TENT4A: variants seen among roughly 807,000 people sequenced by gnomAD.
TENT4A encodes DNA polymerase kappa.
A neutral mutation model predicts 72.8 loss-of-function variants in TENT4A; 7 were observed. That is an observed-to-expected ratio of 0.10 (90% CI 0.05 to 0.18). The LOEUF is 0.18. Among genes scored for constraint, TENT4A ranks in the 10% least tolerant of loss-of-function variants. The pLI is 1.00. For synonymous variants in TENT4A, 456 were observed against 434.3 expected (o/e 1.05, Z -0.62); for missense variants, 831 against 1,017.7 (o/e 0.82, Z 2.50).
intron 1 of TENT4A, among the ~76,000 whole-genome samples, chr5:6,717,767 C>T (rs1263577859): frequency 6.6e-6 from 1 of 152,246 alleles, no homozygotes; most frequent in African/African-American, 2.4e-5. Flanking sequence ...CTTTGCATCC[C>T]AGCCTCTGGC....
intron 1 of TENT4A, among the ~76,000 whole-genome samples, chr5:6,722,178 T>TC (rs1251924338): frequency 1.3e-5 from 2 of 151,678 alleles, no homozygotes; most frequent in South Asian, 2.1e-4. Flanking sequence ...AGCCTCAGTT[T>TC]CCCCCCCTGT....
At chr5:6,736,446 A>G (rs1741504909) in intron 1 of TENT4A, among the ~76,000 whole-genome samples, 1 of 152,236 alleles carries the variant, frequency 6.6e-6, no homozygotes, top group Non-Finnish European at 1.5e-5. Flanking sequence ...TATTTATGAA[A>G]CAGAATGGAA....
intron 1 of TENT4A, among the ~76,000 whole-genome samples, chr5:6,721,259 C>A (rs928343426): frequency 3.3e-5 from 5 of 152,292 alleles, no homozygotes; most frequent in Admixed American, 3.3e-4. Flanking sequence ...GATGGCAAGT[C>A]TTCGGAGTAT....
chr5:6,728,616 G>C (rs1369899441), intron 1 of TENT4A, among the ~76,000 whole-genome samples: 2 of 152,224 alleles, frequency 1.3e-5, no homozygotes, highest in Non-Finnish European at 1.5e-5. Flanking sequence ...AGCCATGCGG[G>C]GCTAGGAGCT....
intron 1 of TENT4A, among the ~76,000 whole-genome samples, chr5:6,735,720 T>G (rs1025926770): frequency 1.3e-5 from 2 of 151,916 alleles, no homozygotes; most frequent in Non-Finnish European, 2.9e-5. Context: ...CTGGTGGCTG[T>G]CTGAATTGGG....
Position 6,721,560 on chromosome 5 carries a change from A to G in TENT4A, c.716+6861A>G, listed in dbSNP as rs979893443. Reference sequence around the variant, plus strand: ...GAGGTGAGTTGTCCACCATTGGGCCACTAGAGAGTGCCCTATGAGCCTGTC... The same window carrying G: ...GAGGTGAGTTGTCCACCATTGGGCCGCTAGAGAGTGCCCTATGAGCCTGTC... On this transcript the variant is annotated intron_variant, in intron 1 of 12. Coordinates refer to ENST00000230859, the MANE Select transcript of TENT4A (RefSeq NM_006999.6). Among the ~76,000 whole-genome samples, 4 of 152,194 alleles carry G rather than the reference A, an allele frequency of 2.6e-5. No homozygotes were observed. The South Asian group carries it at 8.3e-4, about 32-fold the overall frequency.
intron 1 of TENT4A, among the ~76,000 whole-genome samples, chr5:6,727,446 G>A (rs866495676): frequency 2.0e-3 from 311 of 152,282 alleles, no homozygotes; most frequent in African/African-American, 7.2e-3. Flanking sequence ...TCCAGGCTTC[G>A]GACTCTCTGC....
intron 1 of TENT4A, among the ~76,000 whole-genome samples, chr5:6,726,926 C>T (rs1740957078): frequency 1.3e-5 from 2 of 152,168 alleles, no homozygotes; most frequent in South Asian, 4.1e-4. Context: ...TTACCGGTCC[C>T]ATCTTCCTGT....
intron 1 of TENT4A, among the ~76,000 whole-genome samples, chr5:6,717,142 A>G (rs984940428): frequency 2.0e-5 from 3 of 152,232 alleles, no homozygotes; most frequent in African/African-American, 7.2e-5. Flanking sequence ...TTTTGTATCA[A>G]TAAATAGTTC....
At position 6,752,889 on chromosome 5, in the gene TENT4A, C is replaced by G; in HGVS notation, c.2036C>G (p.Pro679Arg). The change falls in exon 12 of 13, where the codon CCT (proline) becomes CGT (arginine). Residue 679 changes from proline (P) to arginine (R), a missense_variant. Physicochemically the swap from Pro to Arg is moderately radical, Grantham distance 103 (BLOSUM62 -2). This residue lies in a region of TENT4A where 332 missense variants were observed against 324.3 expected (regional missense o/e 1.02). Coordinates refer to ENST00000230859, the MANE Select transcript of TENT4A (RefSeq NM_006999.6). ...TGTTCCTAGACCAGGTTTACTATACCTCCACCGACCCTAGGGGTTGCTCCT... is the reference window on the plus strand; with the variant it reads ...TGTTCCTAGACCAGGTTTACTATACGTCCACCGACCCTAGGGGTTGCTCCT... ...TTNNQTRFTI[P>R]PPTLGVAPVP... The G allele has an allele frequency of 6.2e-7, 1 of 1,613,812 alleles. No homozygotes were observed. The highest frequency in any genetic ancestry group is 8.5e-7 in the Non-Finnish European group (1 of 1,179,776).
Position 6,746,393 on chromosome 5 carries a change from G to A in TENT4A, c.1425G>A (p.Pro475=), listed in dbSNP as rs1455343400. ...IMKAMTSGYR[P]SMLCIEDPLL... ...AAGCCATGACCAGCGGGTACAGACC[G>A]TCGATGCTGTGCATTGAGGACCCCC... The change falls in exon 7 of 13, where the codon CCG becomes CCA. Residue 475 remains proline (P), a synonymous_variant. Coordinates refer to ENST00000230859, the MANE Select transcript of TENT4A (RefSeq NM_006999.6). 14 of 1,614,166 alleles carry A rather than the reference G, an allele frequency of 8.7e-6. No homozygotes were observed. The highest frequency in any genetic ancestry group is 3.3e-4 in the Middle Eastern group (2 of 6,062).
intron 5 of TENT4A, among the ~76,000 whole-genome samples, chr5:6,742,825 A>G (rs1192566229): frequency 6.6e-6 from 1 of 152,250 alleles, no homozygotes; most frequent in Non-Finnish European, 1.5e-5. Context: ...GTTGACAATT[A>G]TTTTAGAGAG....
chr5:6,743,934 C>G lies in TENT4A; in HGVS notation c.1245+94C>G, dbSNP rs1374750473. 3.7e-6 allele frequency: 4 copies of G among 1,095,302 alleles called. No individual in the cohort carries two copies. The African/African-American group carries it at 6.3e-5, about 17-fold the overall frequency. 67.8% of individuals were successfully genotyped at this position (1,095,302 alleles called of 1,614,324 possible). On this transcript the variant is annotated intron_variant, in intron 6 of 12. Transcript: ENST00000230859. ...CTAGTGGGTTCCAGCAGCCTTTGCT[C>G]TCCTTTTACTGTATTGTTTCAATTT...
intron 8 of TENT4A, among the ~76,000 whole-genome samples, chr5:6,748,812 A>G (rs564534256): frequency 6.6e-6 from 1 of 152,086 alleles, no homozygotes; most frequent in East Asian, 1.9e-4. Flanking sequence ...GAGATTTGAC[A>G]TTTTCTTCAG....
At chr5:6,734,099 G>A (rs145554544) in intron 1 of TENT4A, among the ~76,000 whole-genome samples, 18 of 152,326 alleles carry the variant, frequency 1.2e-4, no homozygotes, top group Middle Eastern at 6.8e-3. Flanking sequence ...ACAGGCAAGC[G>A]CTGTTCTGGG....
intron 12 of TENT4A, 74 bp downstream of exon 12, chr5:6,753,111 C>G: frequency 7.2e-7 from 1 of 1,380,012 alleles, no homozygotes; most frequent in Non-Finnish European, 9.9e-7. Flanking sequence ...ATGTTTTCTC[C>G]TCCAGAGAGA....
At chr5:6,750,089 A>C (rs1742314762) in intron 9 of TENT4A, among the ~76,000 whole-genome samples, 1 of 152,262 alleles carries the variant, frequency 6.6e-6, no homozygotes, top group Non-Finnish European at 1.5e-5. Flanking sequence ...ATCTATATTT[A>C]GATTTTAGAA....
At chr5:6,738,844 A>G (rs902891538) in intron 3 of TENT4A, 115 bp downstream of exon 3, 7 of 781,660 alleles carry the variant, frequency 9.0e-6, no homozygotes, top group African/African-American at 8.6e-5. Flanking sequence ...AATGCCAGCT[A>G]AAGGAAAAGA....
At chr5:6,724,457 C>A (rs1740812263) in intron 1 of TENT4A, among the ~76,000 whole-genome samples, 1 of 152,074 alleles carries the variant, frequency 6.6e-6, no homozygotes, top group African/African-American at 2.4e-5. Context: ...TTATGAGTTA[C>A]CTCATGGAAG....
Sources: gnomAD v4.1 joint callset for allele counts (sites outside exome capture counted in the v4.1 genomes callset) on GRCh38, gnomAD v4.1.1 for gene constraint, gnomAD v4.1.1 regional missense constraint, MANE v1.5 for transcripts, NCBI Gene and HGNC (gene_info 2026-07-23, HGNC 2026-07-21) for gene names.